Variants in TENT5D observed in about 807,000 individuals in gnomAD.
The protein encoded by TENT5D is terminal nucleotidyltransferase 5D, also known as cancer/testis antigen 112.
For synonymous variants in TENT5D, 103 were observed against 100.6 expected (o/e 1.02, Z -0.15); for missense variants, 191 against 287.0 (o/e 0.67, Z 2.42).
intron 3 of TENT5D, among the ~76,000 whole-genome samples, chrX:80,382,742 A>G (rs757401223): frequency 3.6e-5 from 4 of 110,228 alleles, no homozygotes; most frequent in African/African-American, 1.3e-4. Context: ...TCGCAGTTCA[A>G]TCTGGGACTG....
chrX:80,397,134 A>G (rs1313141136), intron 3 of TENT5D, among the ~76,000 whole-genome samples: 4 of 73,807 alleles, frequency 5.4e-5, no homozygotes, highest in African/African-American at 5.3e-5. Flanking sequence ...CTTCTCAGAC[A>G]GGGTGGCTGC....
chrX:80,335,714 A>T (rs1322122789), exon 2 of TENT5D: 1 of 111,643 alleles, frequency 9.0e-6, no homozygotes. Flanking sequence ...ATGAAGGAAA[A>T]AGGTATAGGG....
chrX:80,397,876 G>A (rs1209022055), intron 3 of TENT5D, among the ~76,000 whole-genome samples: 1 of 111,826 alleles, frequency 8.9e-6, no homozygotes, highest in Non-Finnish European at 1.9e-5. Flanking sequence ...CGAGATGGCA[G>A]CAGTACAGTC....
At chrX:80,385,171 A>T (rs1930965943) in intron 3 of TENT5D, among the ~76,000 whole-genome samples, 1 of 111,723 alleles carries the variant, frequency 9.0e-6, no homozygotes, top group Admixed American at 9.5e-5. Flanking sequence ...ACTTCAAACT[A>T]TACTACAAGG....
At chrX:80,354,091 T>C (rs780656763) in intron 3 of TENT5D, among the ~76,000 whole-genome samples, 1 of 111,848 alleles carries the variant, frequency 8.9e-6, no homozygotes, top group Non-Finnish European at 1.9e-5. Flanking sequence ...ATGTCTTCTT[T>C]ACAAAAGTGT....
At chrX:80,343,953 C>T (rs1174895905) in intron 3 of TENT5D, among the ~76,000 whole-genome samples, 1 of 110,416 alleles carries the variant, frequency 9.1e-6, no homozygotes. Flanking sequence ...TCTCCTTCCA[C>T]CCTCCTCCCT....
At chrX:80,406,948 A>G (rs1260966496) in intron 3 of TENT5D, among the ~76,000 whole-genome samples, 2 of 105,428 alleles carry the variant, frequency 1.9e-5, no homozygotes, top group African/African-American at 6.9e-5. Flanking sequence ...CCAATATTCA[A>G]CATTCTTAAA....
At chrX:80,392,058 C>G (rs1418065352) in intron 3 of TENT5D, among the ~76,000 whole-genome samples, 1 of 112,226 alleles carries the variant, frequency 8.9e-6, no homozygotes, top group African/African-American at 3.2e-5. Flanking sequence ...GAAAGAATTA[C>G]TTCATTTATT....
At chrX:80,355,039 C>G (rs186129290) in intron 3 of TENT5D, among the ~76,000 whole-genome samples, 20 of 111,774 alleles carry the variant, frequency 1.8e-4, no homozygotes, top group African/African-American at 6.5e-4. Flanking sequence ...ACCAGAACCA[C>G]AGCTTTGTTC....
intron 3 of TENT5D, among the ~76,000 whole-genome samples, chrX:80,356,719 A>G (rs1930291624): frequency 8.9e-6 from 1 of 111,759 alleles, no homozygotes; most frequent in Admixed American, 9.5e-5. Context: ...TTAATTATAT[A>G]TTAAGAATTT....
At chrX:80,366,417 A>G (rs775151992) in intron 3 of TENT5D, among the ~76,000 whole-genome samples, 16 of 111,594 alleles carry the variant, frequency 1.4e-4, no homozygotes, top group Non-Finnish European at 3.0e-4. Flanking sequence ...TTGCCTTTTT[A>G]TTGCCATGCA....
At chrX:80,352,564 A>G (rs1930200738) in intron 3 of TENT5D, among the ~76,000 whole-genome samples, 1 of 109,559 alleles carries the variant, frequency 9.1e-6, no homozygotes, top group Non-Finnish European at 1.9e-5. Flanking sequence ...GGCAACAAGA[A>G]TTTCAAGCCA....
upstream of TENT5D, among the ~76,000 whole-genome samples, chrX:80,419,581 G>A (rs185470707): frequency 8.9e-6 from 1 of 112,422 alleles, no homozygotes; most frequent in Admixed American, 9.4e-5. Context: ...AAACAGTTAT[G>A]TGATAGTTTC....
At chrX:80,410,854 A>T (rs1295202042) in intron 3 of TENT5D, among the ~76,000 whole-genome samples, 4 of 106,975 alleles carry the variant, frequency 3.7e-5, no homozygotes, top group Admixed American at 3.0e-4. Flanking sequence ...CAAATGTCCA[A>T]CAATGATAGA....
At chrX:80,352,711 G>C (rs1930205253) in intron 3 of TENT5D, among the ~76,000 whole-genome samples, 2 of 51,922 alleles carry the variant, frequency 3.9e-5, no homozygotes, top group Non-Finnish European at 3.1e-5. Flanking sequence ...GGAGTACGAA[G>C]CAAACAAACA....
chrX:80,402,919 G>A (rs1215428862), intron 3 of TENT5D, among the ~76,000 whole-genome samples: 1 of 111,798 alleles, frequency 8.9e-6, no homozygotes, highest in Non-Finnish European at 1.9e-5. Context: ...GTATTTTCAC[G>A]TCCAGTGTTT....
intron 3 of TENT5D, among the ~76,000 whole-genome samples, chrX:80,371,660 C>G (rs1930626478): frequency 8.9e-6 from 1 of 112,054 alleles, no homozygotes; most frequent in Non-Finnish European, 1.9e-5. Flanking sequence ...CCTCATGAAC[C>G]AACCTCTGCT....
At chrX:80,392,079 A>C (rs1176800502) in intron 3 of TENT5D, among the ~76,000 whole-genome samples, 1 of 112,245 alleles carries the variant, frequency 8.9e-6, no homozygotes, top group Non-Finnish European at 1.9e-5. Flanking sequence ...TAAGTCTCAG[A>C]TTCCTCATCT....
At chrX:80,385,678 C>CA (rs778461661) in intron 3 of TENT5D, among the ~76,000 whole-genome samples, 1 of 111,742 alleles carries the variant, frequency 8.9e-6, no homozygotes, top group South Asian at 3.7e-4. Context: ...ACCCATCTGA[C>CA]AAAGGGCTAA....
Sources: allele counts gnomAD v4.1 joint callset (sites outside exome capture counted in the v4.1 genomes callset), GRCh38; gene constraint gnomAD v4.1.1; transcripts MANE v1.5; gene names NCBI Gene and HGNC (gene_info 2026-07-23, HGNC 2026-07-21).